The following GCFC2 variants were observed in gnomAD, a reference collection of about 807,000 sequenced individuals.
The protein encoded by GCFC2 is GC-rich sequence DNA-binding factor 2.
A neutral mutation model predicts 99.4 loss-of-function variants in GCFC2; 102 were observed. That is an observed-to-expected ratio of 1.03 (90% CI 0.87 to 1.21). The LOEUF is 1.21. Ranked by LOEUF, GCFC2 falls within the 50% of genes most tolerant of loss-of-function variation. The probability of loss-of-function intolerance (pLI) is 0.00; values close to 1 mark genes in which losing one functional copy is unlikely to be tolerated. For missense variants in GCFC2, 973 were observed against 920.9 expected, an observed-to-expected ratio of 1.06 and a Z score of -0.73; for synonymous variants, 338 against 316.8, an observed-to-expected ratio of 1.07 and a Z score of -0.71.
intron 4 of GCFC2, among the ~76,000 whole-genome samples, chr2:75,696,786 ATTCT>A (rs941003178): frequency 3.3e-5 from 5 of 151,774 alleles, no homozygotes; most frequent in African/African-American, 1.2e-4. Context: ...TCTTTAAGAC[ATTCT>A]TTCTTTTTTT....
chr2:75,694,343 G>T lies in GCFC2; in HGVS notation c.918C>A (p.Thr306=). 2 of 1,487,816 alleles carry T rather than the reference G, an allele frequency of 1.3e-6. No individual in the cohort carries two copies. The highest frequency in any genetic ancestry group is 1.9e-6 in the Non-Finnish European group (2 of 1,077,600). 92.2% of individuals were successfully genotyped at this position (1,487,816 alleles called of 1,614,324 possible). A position where few individuals can be genotyped will look rare whatever the true frequency, so the allele number is the denominator to read the frequency against. The change falls in exon 6 of 17, where the codon ACC becomes ACA. Residue 306 remains threonine, a synonymous_variant. Transcript: ENST00000321027. The stretch of plus-strand genomic sequence containing the variant: ...TTGATGAACTCTCTAGGTTCTGGAT[G>T]GTACTCTTTGAGCTTTTGACATCTT... ...YVQDVKSSKS[T]IQNLESSSNQ...
intron 2 of GCFC2, 43 bp from the exon 3 acceptor site, chr2:75,702,466 T>C (rs1250656165): frequency 3.8e-5 from 57 of 1,494,296 alleles, no homozygotes; most frequent in Non-Finnish European, 4.9e-5. Context: ...CAAAGACCAA[T>C]GTAAGTAAAT....
At chr2:75,675,252 T>A (rs1029677044) in intron 12 of GCFC2, among the ~76,000 whole-genome samples, 6 of 152,170 alleles carry the variant, frequency 3.9e-5, no homozygotes, top group Non-Finnish European at 8.8e-5. Context: ...TTAACAAATA[T>A]GCACCCTGTT....
At chr2:75,666,121 A>C in intron 15 of GCFC2, 68 bp from the exon 16 acceptor site, 2,574 of 1,161,354 alleles carry the variant, frequency 2.2e-3, no homozygotes, top group Non-Finnish European at 2.9e-3. Flanking sequence ...ATATAATCTC[A>C]TAGTGATACT....
At chr2:75,671,450 A>G (rs951183788) in intron 14 of GCFC2, among the ~76,000 whole-genome samples, 4 of 152,178 alleles carry the variant, frequency 2.6e-5, no homozygotes, top group Non-Finnish European at 5.9e-5. Flanking sequence ...TACAAAATAG[A>G]TCTTATCTTC....
chr2:75,666,029 A>AT lies in GCFC2; in HGVS notation c.2127dup (p.Trp710MetfsTer3). 6.2e-7 allele frequency: 1 copy of AT among 1,607,422 alleles called. No individual in the cohort carries two copies. The highest frequency in any genetic ancestry group is 8.5e-7 in the Non-Finnish European group (1 of 1,176,450). On this transcript the variant is annotated frameshift_variant, in exon 16 of 17. Coordinates refer to ENST00000321027, the MANE Select transcript of GCFC2 (RefSeq NM_003203.5). LOFTEE classifies it high-confidence loss of function. ...GTCCTCATGGCAGAATTTTCAAACCATTTTTCTGGTAGACATGCTGCTACC... is the reference window on the plus strand; with the variant it reads ...GTCCTCATGGCAGAATTTTCAAACCATTTTTTCTGGTAGACATGCTGCTACC...
Position 75,671,899 on chromosome 2 carries a change from A to G in GCFC2, c.1956+51T>C, listed in dbSNP as rs777608890. On this transcript the variant is annotated intron_variant, in intron 14 of 16. Transcript: ENST00000321027. ...AGTTTGTTGTTCTTTGTTCTATAGT[A>G]AACAGGATTTTTACAAAAATTGCCT... The G allele has an allele frequency of 3.0e-5, 26 of 860,986 alleles. No homozygotes were observed. The East Asian group carries it at 6.5e-4, about 22-fold the overall frequency. The allele number at this position is 860,986 out of a possible 1,614,324, so 53.3% of individuals were successfully genotyped here.
chr2:75,711,321 A>G, upstream of GCFC2: 1 of 445,998 alleles, frequency 2.2e-6, no homozygotes, highest in Non-Finnish European at 3.0e-6. Context: ...TCGGGGTAGG[A>G]GGAGATGCCT....
chr2:75,673,657 A>G, intron 12 of GCFC2, 137 bp from the exon 13 acceptor site: 1 of 608,024 alleles, frequency 1.6e-6, no homozygotes, highest in Non-Finnish European at 3.0e-6. Flanking sequence ...ATTGGGTACA[A>G]AAAAAACCTT....
At chr2:75,713,064 T>G (rs1036465998), upstream of GCFC2, among the ~76,000 whole-genome samples, 1 of 152,230 alleles carries the variant, frequency 6.6e-6, no homozygotes, top group Non-Finnish European at 1.5e-5. Flanking sequence ...CCCCGGAATT[T>G]TTTTTTCTTG....
Position 75,708,906 on chromosome 2 carries a change from C to T in GCFC2, c.265+1685G>A, listed in dbSNP as rs903383257. Among the ~76,000 whole-genome samples, 4 of 152,122 alleles carry T rather than the reference C, an allele frequency of 2.6e-5. No individual in the cohort carries two copies. In the East Asian group the frequency reaches 5.8e-4, roughly 22 times the overall value. On this transcript the variant is annotated intron_variant, in intron 1 of 16. Transcript: ENST00000321027. ...TGATCTAAAAATGCTATTAAGTACT[C>T]GTCTTAATCATGTATCTGTCAGAGG... is the stretch of plus-strand genomic sequence containing the variant.
chr2:75,680,280 G>C lies in GCFC2; in HGVS notation c.1725C>G (p.Thr575=). 6.2e-7 allele frequency: 1 copy of C among 1,607,616 alleles called. No individual in the cohort carries two copies. Among genetic ancestry groups the C allele is most frequent in the Non-Finnish European group, 8.5e-7 (1 of 1,174,504 alleles). The part of the protein sequence containing the change: ...FVEFLWDPLS[T]SQTTSLITHC... ...GTGTTATTAAACTTGTTGTCTGTGA[G>C]GTTGACAAAGGATCCCAAAGGAATT... The change falls in exon 12 of 17, where the codon ACC becomes ACG. Residue 575 remains threonine (T), a synonymous_variant. Transcript: ENST00000321027.
At position 75,699,118 on chromosome 2, in the gene GCFC2, C is replaced by T. The variant is rs545289152; in HGVS notation, c.717+2072G>A. Among the ~76,000 whole-genome samples, 3 of 151,932 alleles carry T rather than the reference C, an allele frequency of 2.0e-5. No homozygotes were observed. In the South Asian group the frequency reaches 6.2e-4, roughly 32 times the overall value. ...ATAAAAACAAGTATTGTGTGAACAT[C>T]AGTATGGAAATGAGAGTGACAGTGT... On this transcript the variant is annotated intron_variant, in intron 4 of 16. Coordinates refer to ENST00000321027, the MANE Select transcript of GCFC2 (RefSeq NM_003203.5).
intron 3 of GCFC2, 133 bp from the exon 4 acceptor site, chr2:75,701,420 G>C: frequency 1.6e-6 from 1 of 611,630 alleles, no homozygotes; most frequent in South Asian, 2.0e-5. Context: ...ATAATTCTGG[G>C]AAGAAGGCAC....
At chr2:75,681,653 G>A (rs1247690638) in intron 11 of GCFC2, among the ~76,000 whole-genome samples, 1 of 151,832 alleles carries the variant, frequency 6.6e-6, no homozygotes, top group Non-Finnish European at 1.5e-5. Flanking sequence ...CTGGCTTGGT[G>A]GGTCCCACCC....
intron 12 of GCFC2, among the ~76,000 whole-genome samples, chr2:75,676,761 A>T (rs1045089085): frequency 6.6e-6 from 1 of 152,154 alleles, no homozygotes; most frequent in Non-Finnish European, 1.5e-5. Flanking sequence ...ATATAGTTGA[A>T]TTTTTAAACG....
At position 75,666,019 on chromosome 2, in the gene GCFC2, T is replaced by A; in HGVS notation, c.2138A>T (p.Asn713Ile). Residue 713 changes from asparagine (N) to isoleucine (I), a missense_variant, in exon 16 of 17, where the codon AAT becomes ATT. Asn to Ile is a moderately radical substitution (Grantham distance 149). Coordinates refer to ENST00000321027, the MANE Select transcript of GCFC2 (RefSeq NM_003203.5). Reference sequence around the variant, plus strand: ...TGGAATAGATGTCCTCATGGCAGAATTTTCAAACCATTTTTCTGGTAGACA... The same window carrying A: ...TGGAATAGATGTCCTCATGGCAGAAATTTCAAACCATTTTTCTGGTAGACA... ...AACLPEKWFE[N>I]SAMRTSIPQL... The A allele has an allele frequency of 6.2e-7, 1 of 1,607,800 alleles. No individual in the cohort carries two copies. The highest frequency in any genetic ancestry group is 2.2e-5 in the East Asian group (1 of 44,650).
At chr2:75,688,954 C>T (rs955481122) in intron 10 of GCFC2, 72 bp downstream of exon 10, 1 of 844,288 alleles carries the variant, frequency 1.2e-6, no homozygotes, top group Non-Finnish European at 1.9e-6. Context: ...TATTTAATGC[C>T]TAACACAATA....
chr2:75,672,677 C>T (rs1227058071), intron 13 of GCFC2, among the ~76,000 whole-genome samples: 1 of 152,154 alleles, frequency 6.6e-6, no homozygotes, highest in Non-Finnish European at 1.5e-5. Context: ...GGTGCAGTTT[C>T]TCGTTCCTCA....
Sources: gnomAD v4.1 joint callset for allele counts (sites outside exome capture counted in the v4.1 genomes callset) on GRCh38, gnomAD v4.1.1 for gene constraint, MANE v1.5 for transcripts, NCBI Gene and HGNC (gene_info 2026-07-23, HGNC 2026-07-21) for gene names.